SCHIP1: variants seen among roughly 807,000 people sequenced by gnomAD.
SCHIP1 encodes the protein schwannomin interacting protein 1, also known as schwannomin-interacting protein 1.
In SCHIP1, 8 loss-of-function variants were observed where a neutral mutation model predicts 29.7. That is an observed-to-expected ratio of 0.27 (90% CI 0.16 to 0.49). The LOEUF (loss-of-function observed/expected upper bound fraction) is 0.49. Ranked by LOEUF, SCHIP1 falls within the 20% of genes least tolerant of loss-of-function variation. The probability of loss-of-function intolerance (pLI) is 0.99; values close to 1 mark genes in which losing one functional copy is unlikely to be tolerated. For synonymous variants in SCHIP1, 76 were observed against 94.9 expected (o/e 0.80, Z 1.16); for missense variants, 193 against 294.6 (o/e 0.66, Z 2.52).
At chr3:159,288,637 C>T in the SCHIP1 span, among the ~76,000 whole-genome samples, 1 of 152,208 alleles carries the variant, frequency 6.6e-6, no homozygotes, top group South Asian at 2.1e-4. Context: ...CTCAGGAAGG[C>T]TGAGGCAGGA....
the SCHIP1 span, among the ~76,000 whole-genome samples, chr3:159,452,896 A>G: frequency 2.6e-5 from 4 of 152,246 alleles, no homozygotes; most frequent in African/African-American, 9.6e-5. Flanking sequence ...TGCAAAAAGA[A>G]AGTTAATAAA....
At chr3:159,301,857 C>A in the SCHIP1 span, among the ~76,000 whole-genome samples, 176 of 152,178 alleles carry the variant, frequency 1.2e-3, no homozygotes, top group Non-Finnish European at 2.2e-3. Flanking sequence ...AATAGGAGAA[C>A]GGACTAATAC....
At chr3:159,799,209 A>G in the SCHIP1 span, among the ~76,000 whole-genome samples, 9 of 152,200 alleles carry the variant, frequency 5.9e-5, no homozygotes, top group African/African-American at 2.2e-4. Context: ...AGATGTGCAC[A>G]CCACTGGGGC....
At position 159,842,997 on chromosome 3, in the gene SCHIP1, C is replaced by CTTTTTTTTTTTTTTTTTTTTT. The variant is rs1440922016; in HGVS notation, c.30+2786_30+2787insTTTTTTTTTTTTTTTTTTTTT. Reference sequence around the variant, plus strand: ...GCTCTCCAGTTCTATCCCAATATTTCTTTCTTTTTTTTTTTTTTTTTTTTT... The same window carrying CTTTTTTTTTTTTTTTTTTTTT: ...GCTCTCCAGTTCTATCCCAATATTTCTTTTTTTTTTTTTTTTTTTTTTTTCTTTTTTTTTTTTTTTTTTTTT... On this transcript the variant is annotated intron_variant, in intron 1 of 6. Transcript: ENST00000445224. 1.5e-3 allele frequency among the ~76,000 whole-genome samples: 91 copies of CTTTTTTTTTTTTTTTTTTTTT among 61,736 alleles called. 20 individuals are homozygous for CTTTTTTTTTTTTTTTTTTTTT. Among genetic ancestry groups the CTTTTTTTTTTTTTTTTTTTTT allele is most frequent in the East Asian group, 7.4e-3 (18 of 2,434 alleles). The allele number at this position is 61,736 out of a possible 152,430, so 40.5% of individuals were successfully genotyped here. A position where few individuals can be genotyped will look rare whatever the true frequency, so the allele number is the denominator to read the frequency against.
chr3:159,734,331 C>T, the SCHIP1 span, among the ~76,000 whole-genome samples: 1 of 151,062 alleles, frequency 6.6e-6, no homozygotes, highest in Admixed American at 6.6e-5. Context: ...TTAGTAGAGA[C>T]GGGGTTTTAC....
At chr3:159,284,794 G>A in the SCHIP1 span, among the ~76,000 whole-genome samples, 1 of 152,044 alleles carries the variant, frequency 6.6e-6, no homozygotes, top group South Asian at 2.1e-4. Context: ...ACCACGCCTG[G>A]CCAACTTTAG....
At chr3:159,420,733 T>C in the SCHIP1 span, among the ~76,000 whole-genome samples, 2 of 152,198 alleles carry the variant, frequency 1.3e-5, no homozygotes, top group African/African-American at 2.4e-5. Flanking sequence ...TTTTGGCAGA[T>C]GTCTTTTAAA....
chr3:159,676,461 G>A, the SCHIP1 span, among the ~76,000 whole-genome samples: 13 of 152,184 alleles, frequency 8.5e-5, no homozygotes, highest in African/African-American at 3.1e-4. Context: ...CCTGTTGTGA[G>A]GAGCTTTCTT....
At chr3:159,562,841 G>T in the SCHIP1 span, among the ~76,000 whole-genome samples, 16 of 152,106 alleles carry the variant, frequency 1.1e-4, no homozygotes, top group Non-Finnish European at 1.9e-4. Context: ...TTCCTAGGAG[G>T]TCTCTTATCT....
the SCHIP1 span, among the ~76,000 whole-genome samples, chr3:159,442,177 TG>T: frequency 6.6e-6 from 1 of 152,126 alleles, no homozygotes; most frequent in African/African-American, 2.4e-5. Context: ...GCTCCTTGCA[TG>T]TATGCAAAAG....
the SCHIP1 span, among the ~76,000 whole-genome samples, chr3:159,686,532 A>G: frequency 1.3e-5 from 2 of 152,216 alleles, no homozygotes; most frequent in Non-Finnish European, 2.9e-5. Context: ...GACTTAAGAT[A>G]TTGGAATTAC....
At chr3:159,343,610 T>C in the SCHIP1 span, among the ~76,000 whole-genome samples, 4 of 152,192 alleles carry the variant, frequency 2.6e-5, no homozygotes, top group African/African-American at 7.2e-5. Context: ...CTAATATTTC[T>C]TGTATCACAG....
the SCHIP1 span, among the ~76,000 whole-genome samples, chr3:159,805,998 T>C: frequency 1.3e-5 from 2 of 152,052 alleles, no homozygotes; most frequent in Non-Finnish European, 2.9e-5. Flanking sequence ...TTAGTACAGA[T>C]GGAGTTTCAC....
the SCHIP1 span, among the ~76,000 whole-genome samples, chr3:159,285,094 G>A: frequency 6.6e-6 from 1 of 151,838 alleles, no homozygotes. Flanking sequence ...TTGTTAAATT[G>A]AAGCCATCAA....
chr3:159,347,646 C>T, the SCHIP1 span, among the ~76,000 whole-genome samples: 3 of 152,102 alleles, frequency 2.0e-5, no homozygotes, highest in African/African-American at 7.2e-5. Flanking sequence ...TCTTCTGAAA[C>T]TCAGGAGAAA....
the SCHIP1 span, among the ~76,000 whole-genome samples, chr3:159,302,804 C>A: frequency 2.6e-5 from 4 of 152,266 alleles, no homozygotes; most frequent in Non-Finnish European, 5.9e-5. Context: ...AGTTTTGGTA[C>A]TGAAAAATCT....
At chr3:159,663,322 G>A in the SCHIP1 span, among the ~76,000 whole-genome samples, 1 of 152,170 alleles carries the variant, frequency 6.6e-6, no homozygotes, top group Non-Finnish European at 1.5e-5. Context: ...CCTGTTGGTA[G>A]GACAGGTGAG....
chr3:159,766,680 A>C, the SCHIP1 span, among the ~76,000 whole-genome samples: 8 of 152,198 alleles, frequency 5.3e-5, no homozygotes, highest in African/African-American at 1.9e-4. Context: ...CCATTATTCA[A>C]AAGTTGTGGA....
At chr3:159,339,199 C>G in the SCHIP1 span, among the ~76,000 whole-genome samples, 1 of 151,184 alleles carries the variant, frequency 6.6e-6, no homozygotes, top group South Asian at 2.1e-4. Context: ...CTACAAAGGC[C>G]TTTGACATGT....
Sources: gnomAD v4.1 joint callset for allele counts (sites outside exome capture counted in the v4.1 genomes callset) on GRCh38, gnomAD v4.1.1 for gene constraint, MANE v1.5 for transcripts, NCBI Gene and HGNC (gene_info 2026-07-23, HGNC 2026-07-21) for gene names.